The following ZMIZ1 variants were observed in gnomAD, a reference collection of about 807,000 sequenced individuals.
ZMIZ1 encodes zinc finger MIZ domain-containing protein 1.
In ZMIZ1, 17 loss-of-function variants were observed where a neutral mutation model predicts 113.9. The observed-to-expected ratio is 0.15, with a 90% CI of 0.10 to 0.22. The LOEUF (loss-of-function observed/expected upper bound fraction) is 0.22, where lower values mean the gene tolerates loss of function less well. Ranked by LOEUF, ZMIZ1 falls within the 10% of genes least tolerant of loss-of-function variation. The probability of loss-of-function intolerance (pLI) is 1.00; values close to 1 mark genes in which losing one functional copy is unlikely to be tolerated. For missense variants in ZMIZ1, 1,059 were observed against 1,477.8 expected, an observed-to-expected ratio of 0.72 and a Z score of 4.65; for synonymous variants, 607 against 603.1, an observed-to-expected ratio of 1.01 and a Z score of -0.09.
At chr10:79,134,577 C>A (rs1182983809) in intron 2 of ZMIZ1, among the ~76,000 whole-genome samples, 1 of 152,220 alleles carries the variant, frequency 6.6e-6, no homozygotes, top group Non-Finnish European at 1.5e-5. Flanking sequence ...GGCTTTGCCC[C>A]ACGGCACCCT....
intron 7 of ZMIZ1, among the ~76,000 whole-genome samples, chr10:79,220,386 G>A (rs1027659886): frequency 6.6e-6 from 1 of 152,106 alleles, no homozygotes; most frequent in Non-Finnish European, 1.5e-5. Flanking sequence ...TCTCCCCTCG[G>A]CTCTGTGGGT....
chr10:79,175,995 A>G (rs143901190), intron 4 of ZMIZ1, among the ~76,000 whole-genome samples: 1 of 152,098 alleles, frequency 6.6e-6, no homozygotes, highest in Non-Finnish European at 1.5e-5. Flanking sequence ...TTCCCTGAAA[A>G]TGTGCCCTTT....
chr10:79,158,853 T>C (rs1845999726), intron 3 of ZMIZ1, among the ~76,000 whole-genome samples: 1 of 152,234 alleles, frequency 6.6e-6, no homozygotes, highest in Admixed American at 6.5e-5. Context: ...GCTGGACACC[T>C]CTGGCAGCCC....
intron 2 of ZMIZ1, among the ~76,000 whole-genome samples, chr10:79,134,027 A>G (rs1250876192): frequency 6.6e-6 from 1 of 152,180 alleles, no homozygotes; most frequent in Non-Finnish European, 1.5e-5. Flanking sequence ...TTAGCTGATT[A>G]TCGGATTTTA....
At chr10:79,212,263 T>G (rs1420595797) in intron 6 of ZMIZ1, among the ~76,000 whole-genome samples, 1 of 152,078 alleles carries the variant, frequency 6.6e-6, no homozygotes, top group Non-Finnish European at 1.5e-5. Flanking sequence ...GCTTAAGCGA[T>G]CCTCCTGCCT....
rs749638262 is a variant in ZMIZ1, at chr10:79,216,219, C to T, written c.225C>T (p.Tyr75=). 2.5e-6 allele frequency: 4 copies of T among 1,574,354 alleles called. No individual in the cohort carries two copies. The highest frequency in any genetic ancestry group is 1.8e-5 in the Admixed American group (1 of 55,300). Residue 75 remains tyrosine (Y), a synonymous_variant, in exon 7 of 25, where the codon TAC becomes TAT. Transcript: ENST00000334512. ...AAGGCTTTGACCTGGACCTCGGCTA[C>T]AGACTGCTGGCTGTGTGTGCTGCAA... The part of the protein sequence containing the change: ...AQQGFDLDLG[Y]RLLAVCAANR...
At chr10:79,092,587 A>G (rs1843018682) in intron 1 of ZMIZ1, among the ~76,000 whole-genome samples, 1 of 152,170 alleles carries the variant, frequency 6.6e-6, no homozygotes, top group Admixed American at 6.5e-5. Flanking sequence ...ACCTCCTTAT[A>G]AGCCTTGGAA....
chr10:79,251,065 G>A (rs1850526084), intron 7 of ZMIZ1, among the ~76,000 whole-genome samples: 1 of 152,180 alleles, frequency 6.6e-6, no homozygotes, highest in Admixed American at 6.5e-5. Context: ...TAGAGATCGA[G>A]GAGGTGAAGA....
chr10:79,157,323 T>C (rs1403115894), intron 3 of ZMIZ1, among the ~76,000 whole-genome samples: 2 of 152,004 alleles, frequency 1.3e-5, no homozygotes, highest in Non-Finnish European at 2.9e-5. Context: ...TGGGAGAATC[T>C]ACCACGTTTG....
rs141983859 is a variant in ZMIZ1 at position 79,266,344 on chromosome 10, C to T, written c.281-10837C>T. On this transcript the variant is annotated intron_variant, in intron 7 of 24. Transcript: ENST00000334512. ...TTCGCGTACCAGCAGTGGGCGGGGCCGTTGTCCTGTGGAGTGACTGTTTGA... is the reference window on the plus strand; with the variant it reads ...TTCGCGTACCAGCAGTGGGCGGGGCTGTTGTCCTGTGGAGTGACTGTTTGA... Among the ~76,000 whole-genome samples the T allele has an allele frequency of 7.2e-4, 109 of 152,276 alleles. 1 individual carries two copies. The East Asian group carries it at 0.016, about 23-fold the overall frequency.
chr10:79,215,425 G>A (rs1848683842), intron 6 of ZMIZ1, among the ~76,000 whole-genome samples: 1 of 151,788 alleles, frequency 6.6e-6, no homozygotes, highest in Non-Finnish European at 1.5e-5. Flanking sequence ...TCAGCCTCCA[G>A]AATTGCTGGG....
intron 7 of ZMIZ1, among the ~76,000 whole-genome samples, chr10:79,235,433 C>T (rs1564540599): frequency 6.6e-6 from 1 of 152,216 alleles, no homozygotes; most frequent in Non-Finnish European, 1.5e-5. Context: ...CACCTCTCCT[C>T]CTTTTACCTC....
At chr10:79,175,806 C>T (rs536684999) in intron 4 of ZMIZ1, among the ~76,000 whole-genome samples, 4 of 151,992 alleles carry the variant, frequency 2.6e-5, no homozygotes, top group South Asian at 4.2e-4. Flanking sequence ...CAGGCAGCCC[C>T]GGCATTCCTG....
At chr10:79,204,540 C>G (rs1164156482) in intron 5 of ZMIZ1, among the ~76,000 whole-genome samples, 2 of 152,218 alleles carry the variant, frequency 1.3e-5, no homozygotes, top group Admixed American at 6.5e-5. Context: ...CTCACCTACT[C>G]TGCTCTGTCT....
chr10:79,091,949 G>C (rs1842993102), intron 1 of ZMIZ1, among the ~76,000 whole-genome samples: 1 of 152,156 alleles, frequency 6.6e-6, no homozygotes, highest in Admixed American at 6.5e-5. Flanking sequence ...CTATTAATTA[G>C]GCAGGTGAGT....
At chr10:79,267,636 A>G (rs1191545471) in intron 7 of ZMIZ1, among the ~76,000 whole-genome samples, 5 of 152,162 alleles carry the variant, frequency 3.3e-5, no homozygotes, top group Non-Finnish European at 7.4e-5. Context: ...TGGGATTTGA[A>G]CCCAGGCAGC....
In ZMIZ1 at chr10:79,069,069, G is replaced by GCGGGCGAGCAGCGATCGGGCGGC. The variant is rs1246260906; in HGVS notation, c.-535_-513dup. The GCGGGCGAGCAGCGATCGGGCGGC allele has an allele frequency of 1.3e-5, 2 of 151,242 alleles. No individual in the cohort carries two copies. The highest frequency in any genetic ancestry group is 3.0e-5 in the Non-Finnish European group (2 of 67,764). The allele number at this position is 151,242 out of a possible 1,614,324, so 9.4% of individuals were successfully genotyped here. A position where few individuals can be genotyped will look rare whatever the true frequency, so the allele number is the denominator to read the frequency against. On this transcript the variant is annotated 5_prime_UTR_variant, in exon 1 of 25. Transcript: ENST00000334512. The surrounding 1 kb of genome is among the most constrained non-coding windows in gnomAD (Gnocchi z 4.6). ...GGGAGAGCGGGCGGCCGGGCGGCAG[G>GCGGGCGAGCAGCGATCGGGCGGC]CGGGCGAGCAGCGATCGGGCGGCCG...
chr10:79,094,301 C>T (rs917239702), intron 1 of ZMIZ1, among the ~76,000 whole-genome samples: 36 of 152,178 alleles, frequency 2.4e-4, no homozygotes, highest in Admixed American at 1.8e-3. Context: ...AGGCCACGAA[C>T]GCTGGGGCCA....
chr10:79,240,514 G>C (rs1257449192), intron 7 of ZMIZ1, among the ~76,000 whole-genome samples: 2 of 152,184 alleles, frequency 1.3e-5, no homozygotes, highest in Non-Finnish European at 2.9e-5. Context: ...GGGCCAGAGA[G>C]AGCCTTGAAA....
Sources: gnomAD v4.1 joint callset for allele counts (sites outside exome capture counted in the v4.1 genomes callset) on GRCh38, gnomAD v4.1.1 for gene constraint, Gnocchi (gnomAD v3.1) non-coding constraint, MANE v1.5 for transcripts, NCBI Gene and HGNC (gene_info 2026-07-23, HGNC 2026-07-21) for gene names.